PEAK1: variants seen among roughly 807,000 people sequenced by gnomAD.
The protein encoded by PEAK1 is inactive tyrosine-protein kinase PEAK1.
PEAK1 carries 54 observed loss-of-function variants against 124.7 expected under a neutral mutation model. That is an observed-to-expected ratio of 0.43 (90% CI 0.35 to 0.54). The LOEUF is 0.54. Ranked by LOEUF, PEAK1 falls within the 20% of genes least tolerant of loss-of-function variation. The probability of loss-of-function intolerance (pLI) is 0.01; values close to 1 mark genes in which losing one functional copy is unlikely to be tolerated. For synonymous variants in PEAK1, 719 were observed against 760.0 expected (o/e 0.95, Z 0.89); for missense variants, 2,046 against 2,134.5 (o/e 0.96, Z 0.82).
At chr15:77,262,320 G>A (rs2061484169) in intron 5 of PEAK1, among the ~76,000 whole-genome samples, 1 of 152,024 alleles carries the variant, frequency 6.6e-6, no homozygotes, top group Non-Finnish European at 1.5e-5. Flanking sequence ...CTGGCAAATT[G>A]GATAAAGAGT....
At chr15:77,207,031 A>G (rs1280566698) in intron 6 of PEAK1, among the ~76,000 whole-genome samples, 1 of 152,212 alleles carries the variant, frequency 6.6e-6, no homozygotes, top group Admixed American at 6.5e-5. Context: ...TCCCTATTTA[A>G]TAAATGGTGC....
chr15:77,420,138 G>A (rs2073263971), upstream of PEAK1: 1 of 150,672 alleles, frequency 6.6e-6, no homozygotes, highest in Non-Finnish European at 1.5e-5. Context: ...CCGCGGCCGA[G>A]TCCACCGCGC....
intron 1 of PEAK1, among the ~76,000 whole-genome samples, chr15:77,405,056 AG>A (rs2071696790): frequency 6.6e-6 from 1 of 150,696 alleles, no homozygotes; most frequent in Non-Finnish European, 1.5e-5. Flanking sequence ...AGCAGGCTGG[AG>A]TGCAGTGGTG....
intron 6 of PEAK1, among the ~76,000 whole-genome samples, chr15:77,195,383 G>A (rs190769872): frequency 1.3e-5 from 2 of 152,166 alleles, no homozygotes; most frequent in East Asian, 3.9e-4. Context: ...AGGAGATGAG[G>A]AAGTGGGGAA....
chr15:77,299,861 A>G (rs2063698678), intron 2 of PEAK1, among the ~76,000 whole-genome samples: 1 of 152,196 alleles, frequency 6.6e-6, no homozygotes, highest in South Asian at 2.1e-4. Context: ...CCACTAATTT[A>G]TTAGATCACT....
chr15:77,411,042 C>T (rs952324699), intron 1 of PEAK1, among the ~76,000 whole-genome samples: 1 of 151,902 alleles, frequency 6.6e-6, no homozygotes, highest in Non-Finnish European at 1.5e-5. Context: ...GTTTACCAGG[C>T]TACATGTTGT....
chr15:77,349,465 C>T, intron 2 of PEAK1: 1 of 984,648 alleles, frequency 1.0e-6, no homozygotes, highest in Non-Finnish European at 1.2e-6. Context: ...GCCAAAGACA[C>T]ATTTTTAGGC....
intron 6 of PEAK1, among the ~76,000 whole-genome samples, chr15:77,187,615 A>G (rs2057613110): frequency 6.6e-6 from 1 of 152,156 alleles, no homozygotes; most frequent in Non-Finnish European, 1.5e-5. Context: ...CCCAAGGAGA[A>G]TCTGTTAATA....
intron 2 of PEAK1, among the ~76,000 whole-genome samples, chr15:77,317,850 A>G (rs532181460): frequency 7.2e-4 from 109 of 152,340 alleles, no homozygotes; most frequent in African/African-American, 2.5e-3. Context: ...AACACCAACC[A>G]GCATAACTAT....
In PEAK1 at chr15:77,180,139, ATTAAAT is replaced by A; in HGVS notation, c.1782_1787del (p.Lys594_Phe595del). 1 of 1,614,146 alleles carries A rather than the reference ATTAAAT, an allele frequency of 6.2e-7. No individual in the cohort carries two copies. The highest frequency in any genetic ancestry group is 8.5e-7 in the Non-Finnish European group (1 of 1,179,980). The stretch of plus-strand genomic sequence containing the variant: ...GTGGCATACCAGCATTGTTATAACT[ATTAAAT>A]TTAATTTCAGACAAATTAGGTGACT... On this transcript the variant is annotated inframe_deletion, in exon 7 of 10. Transcript: ENST00000682557.
chr15:77,324,208 T>C (rs1365381414), intron 2 of PEAK1, among the ~76,000 whole-genome samples: 5 of 152,216 alleles, frequency 3.3e-5, no homozygotes, highest in Non-Finnish European at 7.3e-5. Context: ...CTGGGTGTGA[T>C]GGCTCACGCC....
chr15:77,180,905 G>A lies in PEAK1; in HGVS notation c.1022C>T (p.Ser341Phe), dbSNP rs759014761. Residue 341 changes from serine (S) to phenylalanine (F), a missense_variant, in exon 7 of 10, where the codon TCC (serine) becomes TTC (phenylalanine). Coordinates refer to ENST00000682557, the MANE Select transcript of PEAK1 (RefSeq NM_001385026.1). ...TGTTAAAGAAGAATCTGGTGATGTGGAGTCAGATGACACCATGCTCTGAAT... is the reference window on the plus strand; with the variant it reads ...TGTTAAAGAAGAATCTGGTGATGTGAAGTCAGATGACACCATGCTCTGAAT... ...GSIQSMVSSD[S>F]TSPDSSLTEE... 1.2e-6 allele frequency: 2 copies of A among 1,614,042 alleles called. No homozygotes were observed. Among genetic ancestry groups the A allele is most frequent in the Non-Finnish European group, 1.7e-6 (2 of 1,179,996 alleles).
chr15:77,356,549 T>C (rs1015281884), intron 2 of PEAK1, among the ~76,000 whole-genome samples: 3 of 151,856 alleles, frequency 2.0e-5, no homozygotes, highest in Admixed American at 1.3e-4. Flanking sequence ...GCATAAGAGA[T>C]TGACAAGAGT....
chr15:77,124,580 C>T (rs900604947), intron 9 of PEAK1, among the ~76,000 whole-genome samples: 41 of 152,222 alleles, frequency 2.7e-4, no homozygotes, highest in African/African-American at 9.9e-4. Context: ...TAGCCATCTG[C>T]CCCTTCTTTT....
chr15:77,231,981 A>C (rs1352788912), intron 6 of PEAK1, among the ~76,000 whole-genome samples: 5 of 152,216 alleles, frequency 3.3e-5, no homozygotes, highest in Admixed American at 3.3e-4. Flanking sequence ...TATTACTTTA[A>C]TACTACTATT....
chr15:77,405,983 A>G (rs2071781778), intron 1 of PEAK1, among the ~76,000 whole-genome samples: 1 of 152,202 alleles, frequency 6.6e-6, no homozygotes, highest in South Asian at 2.1e-4. Context: ...ATACTCACTG[A>G]TAATATTTCA....
At chr15:77,185,264 A>G (rs963152214) in intron 6 of PEAK1, among the ~76,000 whole-genome samples, 4 of 152,352 alleles carry the variant, frequency 2.6e-5, no homozygotes, top group Middle Eastern at 3.4e-3. Flanking sequence ...AAGACAGTAT[A>G]TGAATTTAGG....
At chr15:77,313,958 T>G (rs2064703315) in intron 2 of PEAK1, among the ~76,000 whole-genome samples, 1 of 151,928 alleles carries the variant, frequency 6.6e-6, no homozygotes, top group African/African-American at 2.4e-5. Context: ...TGGCAAACAC[T>G]ACCTTAGCCA....
At chr15:77,367,791 T>C (rs2068354892) in intron 1 of PEAK1, among the ~76,000 whole-genome samples, 1 of 152,218 alleles carries the variant, frequency 6.6e-6, no homozygotes, top group Non-Finnish European at 1.5e-5. Context: ...TAGAATAAGC[T>C]TGAGGTTTTA....
Sources: allele counts gnomAD v4.1 joint callset (sites outside exome capture counted in the v4.1 genomes callset), GRCh38; gene constraint gnomAD v4.1.1; transcripts MANE v1.5; gene names NCBI Gene and HGNC (gene_info 2026-07-23, HGNC 2026-07-21).